Variants in GAB2 observed in about 807,000 individuals in gnomAD.
GAB2 encodes GRB2-associated-binding protein 2.
GAB2 carries 26 observed loss-of-function variants against 65.5 expected under a neutral mutation model. The observed-to-expected ratio is 0.40, with a 90% CI of 0.29 to 0.55. GAB2 has a LOEUF of 0.55. GAB2 is among the 20% of genes least tolerant of loss of function. The pLI is 0.53. For synonymous variants in GAB2, 321 were observed against 329.6 expected, an observed-to-expected ratio of 0.97 and a Z score of 0.28; for missense variants, 884 against 875.8, an observed-to-expected ratio of 1.01 and a Z score of -0.12.
At chr11:78,306,170 C>T (rs1855354111) in intron 1 of GAB2, among the ~76,000 whole-genome samples, 2 of 152,290 alleles carry the variant, frequency 1.3e-5, no homozygotes, top group Admixed American at 6.5e-5. Context: ...TAGAATATAA[C>T]CTGATTTACT....
At chr11:78,248,326 T>A (rs1198898780) in intron 3 of GAB2, among the ~76,000 whole-genome samples, 1 of 152,150 alleles carries the variant, frequency 6.6e-6, no homozygotes, top group Non-Finnish European at 1.5e-5. Context: ...ACTGGAGTGG[T>A]GGTGGCGGCA....
chr11:78,383,509 C>T (rs1457856338), intron 1 of GAB2, among the ~76,000 whole-genome samples: 1 of 142,166 alleles, frequency 7.0e-6, no homozygotes, highest in Non-Finnish European at 1.5e-5. Context: ...CTTTGGGAGG[C>T]GAGGTGGACA....
intron 1 of GAB2, among the ~76,000 whole-genome samples, chr11:78,376,620 G>A (rs115044868): frequency 0.013 from 1,937 of 152,246 alleles, 36 homozygotes; most frequent in African/African-American, 0.044. Flanking sequence ...AAAAGTTGGG[G>A]AATACATCCT....
rs114361593 is a variant in GAB2 at position 78,328,018 on chromosome 11, G to A, written c.76-47117C>T. ...TTGTTGTGGGTGACAGGAAGGCCTAGAAGTGGAAAAGTGGGAAAGTCGTGG... is the reference window on the plus strand; with the variant it reads ...TTGTTGTGGGTGACAGGAAGGCCTAAAAGTGGAAAAGTGGGAAAGTCGTGG... On this transcript the variant is annotated intron_variant, in intron 1 of 9. Coordinates refer to ENST00000361507, the MANE Select transcript of GAB2 (RefSeq NM_080491.3). 4.7e-3 allele frequency among the ~76,000 whole-genome samples: 716 copies of A among 152,288 alleles called. 6 individuals are homozygous for A. The highest frequency in any genetic ancestry group is 0.016 in the African/African-American group (685 of 41,568).
rs1304527678 is a variant in GAB2 at position 78,417,792 on chromosome 11, G to C, written c.-72C>G. 2.4e-6 allele frequency: 2 copies of C among 833,288 alleles called. No individual in the cohort carries two copies. Among genetic ancestry groups the C allele is most frequent in the Admixed American group, 6.0e-5 (1 of 16,666 alleles). The allele number at this position is 833,288 out of a possible 1,614,324, so 51.6% of individuals were successfully genotyped here. ...GGCTCGGGCAGCTGGGGCAGCGGCC[G>C]GCGGTGCGCAGCTCGCGGGAGGCCA... On this transcript the variant is annotated 5_prime_UTR_variant, in exon 1 of 10. Transcript: ENST00000361507.
At chr11:78,309,449 A>C (rs1451284905) in intron 1 of GAB2, among the ~76,000 whole-genome samples, 1 of 145,394 alleles carries the variant, frequency 6.9e-6, no homozygotes, top group Non-Finnish European at 1.5e-5. Flanking sequence ...CTTGTGGTTA[A>C]ACCCTGCCCC....
intron 3 of GAB2, among the ~76,000 whole-genome samples, chr11:78,236,500 A>G (rs1565119813): frequency 6.6e-6 from 1 of 152,186 alleles, no homozygotes; most frequent in Non-Finnish European, 1.5e-5. Flanking sequence ...CTCCAGTACA[A>G]TGTTAAATAG....
At chr11:78,323,608 C>T (rs1010264920) in intron 1 of GAB2, among the ~76,000 whole-genome samples, 9 of 149,752 alleles carry the variant, frequency 6.0e-5, no homozygotes, top group South Asian at 2.1e-4. Context: ...GACATAAAGA[C>T]GGAAATAGTA....
At chr11:78,319,584 C>G (rs1272751980) in intron 1 of GAB2, among the ~76,000 whole-genome samples, 1 of 152,170 alleles carries the variant, frequency 6.6e-6, no homozygotes, top group African/African-American at 2.4e-5. Flanking sequence ...GACATAATGA[C>G]AGAAACTGGA....
rs1343756037 is a variant in GAB2 at position 78,215,983 on chromosome 11, T to G, written c.*3289A>C. On this transcript the variant is annotated 3_prime_UTR_variant, in exon 10 of 10. Coordinates refer to ENST00000361507, the MANE Select transcript of GAB2 (RefSeq NM_080491.3). ...CTTTTGTCACAGGAATGGGGCATACTTTGTTAACTTCTACATTGGAAACCA... is the reference window on the plus strand; with the variant it reads ...CTTTTGTCACAGGAATGGGGCATACGTTGTTAACTTCTACATTGGAAACCA... The G allele has an allele frequency of 6.6e-6, 1 of 152,624 alleles. No individual in the cohort carries two copies. Among genetic ancestry groups the G allele is most frequent in the African/African-American group, 2.4e-5 (1 of 41,430 alleles). The allele number at this position is 152,624 out of a possible 1,614,324, so 9.5% of individuals were successfully genotyped here.
At chr11:78,221,841 C>T (rs950609448) in intron 7 of GAB2, 62 bp from the exon 8 acceptor site, 2 of 1,206,584 alleles carry the variant, frequency 1.7e-6, no homozygotes, top group Non-Finnish European at 2.4e-6. Flanking sequence ...TGTTTCTAGC[C>T]TCCAGCTGGG....
intron 1 of GAB2, among the ~76,000 whole-genome samples, chr11:78,384,061 A>G (rs1399001576): frequency 6.6e-6 from 1 of 152,182 alleles, no homozygotes; most frequent in Non-Finnish European, 1.5e-5. Context: ...AGCTGACTGA[A>G]GTGTTCTTGG....
At position 78,243,076 on chromosome 11, in the gene GAB2, C is replaced by T. The variant is rs756100399; in HGVS notation, c.620+7081G>A. On this transcript the variant is annotated intron_variant, in intron 3 of 9. Coordinates refer to ENST00000361507, the MANE Select transcript of GAB2 (RefSeq NM_080491.3). Reference sequence around the variant, plus strand: ...ACTCGGGTGGCTAAGGCATGAAAATCGCTGGAACCTGGGAGGCGGAGGTTG... The same window carrying T: ...ACTCGGGTGGCTAAGGCATGAAAATTGCTGGAACCTGGGAGGCGGAGGTTG... 9.1e-4 allele frequency among the ~76,000 whole-genome samples: 138 copies of T among 151,702 alleles called. 2 individuals are homozygous for T. The highest frequency in any genetic ancestry group is 3.4e-3 in the Middle Eastern group (1 of 294).
intron 9 of GAB2, among the ~76,000 whole-genome samples, chr11:78,219,953 G>T (rs545979501): frequency 1.3e-5 from 2 of 152,262 alleles, no homozygotes; most frequent in South Asian, 4.1e-4. Flanking sequence ...CGACGGCAGG[G>T]CTCTGGACCC....
intron 1 of GAB2, among the ~76,000 whole-genome samples, chr11:78,351,640 T>C (rs116832304): frequency 0.021 from 3,265 of 152,208 alleles, 97 homozygotes; most frequent in African/African-American, 0.074. Context: ...AGTCTCACAT[T>C]GTACATTTTT....
intron 1 of GAB2, among the ~76,000 whole-genome samples, chr11:78,293,760 C>T (rs1271688070): frequency 2.6e-5 from 4 of 152,102 alleles, no homozygotes; most frequent in Non-Finnish European, 5.9e-5. Context: ...AAAGGGTTGT[C>T]ACAATATTTC....
At chr11:78,300,896 T>C (rs1192956831) in intron 1 of GAB2, among the ~76,000 whole-genome samples, 1 of 152,080 alleles carries the variant, frequency 6.6e-6, no homozygotes, top group Non-Finnish European at 1.5e-5. Context: ...AGTTTCACCA[T>C]GTTGCCCAGG....
intron 3 of GAB2, among the ~76,000 whole-genome samples, chr11:78,240,777 G>C (rs1865111890): frequency 6.6e-6 from 1 of 152,082 alleles, no homozygotes; most frequent in African/African-American, 2.4e-5. Flanking sequence ...GCTGTGCTCT[G>C]CCTACCAGGG....
chr11:78,221,697 C>G lies in GAB2; in HGVS notation c.1741G>C (p.Glu581Gln), dbSNP rs1171272835. Residue 581 changes from glutamate (E) to glutamine (Q), a missense_variant, in exon 8 of 10, where the codon GAA becomes CAA. Coordinates refer to ENST00000361507, the MANE Select transcript of GAB2 (RefSeq NM_080491.3). The part of the protein sequence containing the change: ...SITSTDSGDS[E>Q]ENYVPMQNPV... ...CTCACCATAGGGACATAGTTCTCTT[C>G]GCTGTCTCCTGAGTCTGTGCTGGTG... 2.5e-6 allele frequency: 4 copies of G among 1,612,486 alleles called. No individual in the cohort carries two copies. The highest frequency in any genetic ancestry group is 3.4e-6 in the Non-Finnish European group (4 of 1,178,640).
Sources: gnomAD v4.1 joint callset for allele counts (sites outside exome capture counted in the v4.1 genomes callset) on GRCh38, gnomAD v4.1.1 for gene constraint, MANE v1.5 for transcripts, NCBI Gene and HGNC (gene_info 2026-07-23, HGNC 2026-07-21) for gene names.